Variants in ZNF787 observed in about 807,000 individuals in gnomAD.
ZNF787 encodes the protein TTF-I-interacting peptide 20.
A neutral mutation model predicts 16.9 loss-of-function variants in ZNF787; 7 were observed. The observed-to-expected ratio is 0.42, with a 90% CI of 0.24 to 0.78. The LOEUF (loss-of-function observed/expected upper bound fraction) is 0.78. Ranked by LOEUF, ZNF787 falls within the 30% of genes least tolerant of loss-of-function variation. ZNF787 has a pLI of 0.30. For synonymous variants in ZNF787, 345 were observed against 270.9 expected (o/e 1.27, Z -2.69); for missense variants, 551 against 589.3 (o/e 0.94, Z 0.67).
At chr19:56,089,369 AAC>A (rs1985483553) in intron 2 of ZNF787, among the ~76,000 whole-genome samples, 1 of 152,152 alleles carries the variant, frequency 6.6e-6, no homozygotes, top group Non-Finnish European at 1.5e-5. Context: ...ACAACCAGGC[AAC>A]ATAAGAGGCA....
chr19:56,090,609 GT>G (rs1272280233), intron 2 of ZNF787, among the ~76,000 whole-genome samples: 1 of 152,100 alleles, frequency 6.6e-6, no homozygotes, highest in African/African-American at 2.4e-5. Flanking sequence ...ATCACTTGAG[GT>G]CAGGAGTTCA....
chr19:56,094,442 G>T (rs1318891852), intron 2 of ZNF787, among the ~76,000 whole-genome samples: 1 of 151,240 alleles, frequency 6.6e-6, no homozygotes, highest in Non-Finnish European at 1.5e-5. Context: ...CCAAAGTGCT[G>T]GGATTACAAG....
intron 2 of ZNF787, among the ~76,000 whole-genome samples, chr19:56,094,746 G>A (rs1390693910): frequency 1.3e-5 from 2 of 152,064 alleles, no homozygotes; most frequent in East Asian, 1.9e-4. Flanking sequence ...ATTTTTCCAC[G>A]GACAGGGTGG....
Position 56,089,039 on chromosome 19 carries a change from G to C in ZNF787, c.133C>G (p.Leu45Val). 3 of 1,468,294 alleles carry C rather than the reference G, an allele frequency of 2.0e-6. No individual in the cohort carries two copies. Among genetic ancestry groups the C allele is most frequent in the Non-Finnish European group, 2.7e-6 (3 of 1,112,638 alleles). The allele number at this position is 1,468,294 out of a possible 1,614,324, so 91.0% of individuals were successfully genotyped here. A position where few individuals can be genotyped will look rare whatever the true frequency, so the allele number is the denominator to read the frequency against. ...DDVPSWPPTK[L>V]SPPQSAPPAG... Reference sequence around the variant, plus strand: ...GGGGGCGCAGACTGGGGCGGGGACAGCTTGGTGGGAGGCCAGCTGGGGACG... The same window carrying C: ...GGGGGCGCAGACTGGGGCGGGGACACCTTGGTGGGAGGCCAGCTGGGGACG... Residue 45 changes from leucine (L) to valine (V), a missense_variant, in exon 3 of 3, where the codon CTG becomes GTG. Leu to Val is a conservative substitution (Grantham distance 32, BLOSUM62 1). Around this residue, in one of 4 missense-constraint regions of ZNF787, gnomAD observed 80 missense variants for 105.9 expected, o/e 0.76. Coordinates refer to ENST00000610935, the MANE Select transcript of ZNF787 (RefSeq NM_001002836.4).
At chr19:56,103,287 G>A (rs1986176988) in intron 1 of ZNF787, 60 bp from the exon 2 acceptor site, 2 of 1,441,616 alleles carry the variant, frequency 1.4e-6, no homozygotes, top group African/African-American at 2.9e-5. Flanking sequence ...TGCACCGAGG[G>A]CCCTGCAGGG....
rs368854011 is a variant in ZNF787, at chr19:56,118,792, C to T, written c.-11+2380G>A. On this transcript the variant is annotated intron_variant, in intron 1 of 2. Coordinates refer to ENST00000610935, the MANE Select transcript of ZNF787 (RefSeq NM_001002836.4). ...GTTTGGAAAGGCCTGTGAAACATGT[C>T]TGAGGATGGGTGTCCTGAGAGCTGT... Among the ~76,000 whole-genome samples, 14 of 152,268 alleles carry T rather than the reference C, an allele frequency of 9.2e-5. 1 individual carries two copies. In the South Asian group the frequency reaches 1.7e-3, roughly 18 times the overall value.
At chr19:56,108,654 C>T (rs1213381402) in intron 1 of ZNF787, among the ~76,000 whole-genome samples, 1 of 152,146 alleles carries the variant, frequency 6.6e-6, no homozygotes, top group Non-Finnish European at 1.5e-5. Flanking sequence ...CAGCGCCAGG[C>T]ACAGCTGGGT....
intron 1 of ZNF787, among the ~76,000 whole-genome samples, chr19:56,118,928 A>T (rs1224694867): frequency 6.6e-6 from 1 of 151,998 alleles, no homozygotes; most frequent in African/African-American, 2.4e-5. Flanking sequence ...TCCCTTAAGT[A>T]CCAGGTTCCT....
chr19:56,116,404 T>C (rs1358172590), intron 1 of ZNF787, among the ~76,000 whole-genome samples: 3 of 151,858 alleles, frequency 2.0e-5, no homozygotes, highest in Non-Finnish European at 4.4e-5. Flanking sequence ...ATCACGCCAC[T>C]GCACTCCAGC....
intron 1 of ZNF787, 110 bp from the exon 2 acceptor site, chr19:56,103,337 G>A (rs1008689533): frequency 5.3e-5 from 48 of 900,548 alleles, no homozygotes; most frequent in Admixed American, 2.1e-4. Flanking sequence ...CACAGCGCCC[G>A]GCAGACAAGG....
chr19:56,097,692 C>A (rs907337847), intron 2 of ZNF787, among the ~76,000 whole-genome samples: 1 of 152,236 alleles, frequency 6.6e-6, no homozygotes, highest in Non-Finnish European at 1.5e-5. Context: ...CGTGCAGGCA[C>A]GGCGCGAGGG....
At position 56,088,743 on chromosome 19, in the gene ZNF787, G is replaced by A. The variant is rs201036541; in HGVS notation, c.429C>T (p.Ile143=). 159 of 1,610,856 alleles carry A rather than the reference G, an allele frequency of 9.9e-5. No homozygotes were observed. The highest frequency in any genetic ancestry group is 4.9e-4 in the Middle Eastern group (3 of 6,072). ...WSSNLMQHQR[I]HTGEKPYTCP... is the part of the protein sequence containing the mutation. ...AGGTGTAGGGCTTCTCGCCCGTGTG[G>A]ATGCGCTGGTGCTGCATGAGGTTGG... The change falls in exon 3 of 3, where the codon ATC becomes ATT. Residue 143 remains isoleucine (I), a synonymous_variant. Transcript: ENST00000610935. This position sits in a 1 kb window ranked among gnomAD's most constrained non-coding sequence, Gnocchi z 8.6.
At chr19:56,112,587 C>CTGGCCCTCCG (rs777635537) in intron 1 of ZNF787, among the ~76,000 whole-genome samples, 1 of 151,186 alleles carries the variant, frequency 6.6e-6, no homozygotes, top group East Asian at 2.0e-4. Context: ...GCAACTCCTC[C>CTGGCCCTCCG]TGGCCCTCCG....
intron 1 of ZNF787, 27 bp from the exon 2 acceptor site, chr19:56,103,254 A>C (rs763926896): frequency 2.8e-4 from 419 of 1,522,710 alleles, no homozygotes; most frequent in Non-Finnish European, 3.6e-4. Flanking sequence ...AGACAGAAGG[A>C]CAGAGTTTAT....
At chr19:56,113,877 T>C (rs998912222) in intron 1 of ZNF787, among the ~76,000 whole-genome samples, 2 of 152,178 alleles carry the variant, frequency 1.3e-5, no homozygotes, top group African/African-American at 4.8e-5. Context: ...TCGCCCAGGC[T>C]GGAGGGCAAT....
At chr19:56,096,238 A>AAAAAATAAAAAAATT (rs1599943859) in intron 2 of ZNF787, among the ~76,000 whole-genome samples, 1 of 2,202 alleles carries the variant, frequency 4.5e-4, no homozygotes, top group Non-Finnish European at 0.012. Flanking sequence ...TAAAAAAATA[A>AAAAAATAAAAAAATT]AAAAAATAAA....
chr19:56,120,882 C>CCCTGGA (rs2030274537), intron 1 of ZNF787, among the ~76,000 whole-genome samples: 1 of 137,160 alleles, frequency 7.3e-6, no homozygotes, highest in Non-Finnish European at 1.6e-5. Context: ...CACGCGCGCG[C>CCCTGGA]CCTGGACCCG....
At chr19:56,092,250 G>C (rs1207907655) in intron 2 of ZNF787, among the ~76,000 whole-genome samples, 1 of 152,252 alleles carries the variant, frequency 6.6e-6, no homozygotes, top group Non-Finnish European at 1.5e-5. Flanking sequence ...GTTACCCTTG[G>C]GGGAGGGCAG....
chr19:56,090,584 G>A (rs960784685), intron 2 of ZNF787, among the ~76,000 whole-genome samples: 2 of 152,062 alleles, frequency 1.3e-5, no homozygotes, highest in Non-Finnish European at 2.9e-5. Context: ...CACTTTAGGA[G>A]GCCGAGGTGG....
Sources: allele counts gnomAD v4.1 joint callset (sites outside exome capture counted in the v4.1 genomes callset), GRCh38; gene constraint gnomAD v4.1.1; regional missense constraint gnomAD v4.1.1; non-coding constraint Gnocchi (gnomAD v3.1); transcripts MANE v1.5; gene names NCBI Gene and HGNC (gene_info 2026-07-23, HGNC 2026-07-21).